Variants in ALOX5 observed in about 807,000 individuals in gnomAD.
The protein encoded by ALOX5 is arachidonate 5-lipoxygenase.
ALOX5 carries 64 observed loss-of-function variants against 87.9 expected under a neutral mutation model. The ratio of observed to expected loss-of-function variants is 0.73; its 90% confidence interval spans 0.60 to 0.90. The LOEUF (loss-of-function observed/expected upper bound fraction) is 0.90. Ranked by LOEUF, ALOX5 falls within the 40% of genes least tolerant of loss-of-function variation. The pLI, the probability that ALOX5 is intolerant of heterozygous loss-of-function variation, is 0.00. For synonymous variants in ALOX5, 388 were observed against 355.1 expected (o/e 1.09, Z -1.04); for missense variants, 822 against 907.5 (o/e 0.91, Z 1.21).
chr10:45,430,081 G>C (rs1589038461), intron 7 of ALOX5, among the ~76,000 whole-genome samples: 1 of 152,180 alleles, frequency 6.6e-6, no homozygotes, highest in African/African-American at 2.4e-5. Context: ...AGCAGGTAAA[G>C]GGACAGGTGA....
intron 2 of ALOX5, among the ~76,000 whole-genome samples, chr10:45,393,537 C>T (rs1212914629): frequency 1.3e-5 from 2 of 152,162 alleles, no homozygotes; most frequent in Admixed American, 6.5e-5. Context: ...CCTTTGAAAA[C>T]TGGCACAAGA....
chr10:45,404,631 A>T (rs1207365379), intron 3 of ALOX5, among the ~76,000 whole-genome samples: 1 of 152,240 alleles, frequency 6.6e-6, no homozygotes, highest in Non-Finnish European at 1.5e-5. Flanking sequence ...TAACTTCTTC[A>T]TGGCATATCA....
intron 7 of ALOX5, among the ~76,000 whole-genome samples, chr10:45,438,281 G>A (rs1313824970): frequency 6.6e-6 from 1 of 152,116 alleles, no homozygotes; most frequent in African/African-American, 2.4e-5. Flanking sequence ...ATTTTTGCCT[G>A]TTCAATATCA....
rs763034929 is a variant in ALOX5 at position 45,443,481 on chromosome 10, T to C, written c.1517T>C (p.Leu506Pro). The change falls in exon 11 of 14, where the codon CTG (leucine) becomes CCG (proline). Residue 506 changes from leucine (L) to proline (P), a missense_variant. By Grantham distance (98) the Leu-to-Pro change is moderately conservative. Transcript: ENST00000374391. ...GDQVVEEDPELQDFVNDVYVY... is the reference protein window; with the variant it reads ...GDQVVEEDPEPQDFVNDVYVY... ...CAGGTGGTGGAGGAGGACCCGGAGCTGCAGGACTTCGTGAACGATGTCTAC... is the reference window on the plus strand; with the variant it reads ...CAGGTGGTGGAGGAGGACCCGGAGCCGCAGGACTTCGTGAACGATGTCTAC... 1.9e-6 allele frequency: 3 copies of C among 1,613,094 alleles called. No homozygotes were observed. The highest frequency in any genetic ancestry group is 2.5e-6 in the Non-Finnish European group (3 of 1,179,604).
rs76502040 is a variant in ALOX5 at position 45,384,540 on chromosome 10, C to G, written c.349+1859C>G. On this transcript the variant is annotated intron_variant, in intron 2 of 13. Coordinates refer to ENST00000374391, the MANE Select transcript of ALOX5 (RefSeq NM_000698.5). ...TCATGTGTCTGGCACCTCTAGGCTC[C>G]TTGGCCTCTCTGTCCATATGGAGTC... Among the ~76,000 whole-genome samples the G allele has an allele frequency of 5.4e-3, 815 of 152,302 alleles. 6 individuals carry two copies. The highest frequency in any genetic ancestry group is 0.027 in the South Asian group (130 of 4,822).
chr10:45,442,679 G>C (rs1029441861), intron 9 of ALOX5: 23 of 239,852 alleles, frequency 9.6e-5, no homozygotes, highest in Non-Finnish European at 1.6e-4. Flanking sequence ...ACTGAGGGTC[G>C]TGTGCTCAGC....
rs1366359834 is a variant in ALOX5, at chr10:45,443,841, G to A, written c.1674+13G>A. On this transcript the variant is annotated intron_variant, in intron 12 of 13. Transcript: ENST00000374391. ...CAACTTCGGCCAGGTAGGCAGGGCC[G>A]GGCCCGCTGGGCAGGGCTCCCTTCT... 1.3e-6 allele frequency: 2 copies of A among 1,586,898 alleles called. No homozygotes were observed. Among genetic ancestry groups the A allele is most frequent in the South Asian group, 1.1e-5 (1 of 87,508 alleles).
intron 7 of ALOX5, among the ~76,000 whole-genome samples, chr10:45,437,213 T>C (rs999177884): frequency 1.3e-5 from 2 of 152,058 alleles, no homozygotes; most frequent in Non-Finnish European, 2.9e-5. Flanking sequence ...ATTAGCCAGG[T>C]GTGGTAACAC....
chr10:45,414,173 C>G (rs184709248), intron 4 of ALOX5, among the ~76,000 whole-genome samples: 56 of 152,316 alleles, frequency 3.7e-4, no homozygotes, highest in African/African-American at 1.2e-3. Flanking sequence ...CATCATGCTA[C>G]CTGACTTCAA....
At chr10:45,393,063 A>G (rs1212340267) in intron 2 of ALOX5, among the ~76,000 whole-genome samples, 2 of 152,330 alleles carry the variant, frequency 1.3e-5, no homozygotes, top group East Asian at 3.9e-4. Flanking sequence ...AAACTATTCC[A>G]ATCAATAGAA....
intron 5 of ALOX5, among the ~76,000 whole-genome samples, chr10:45,424,467 G>A (rs1413670280): frequency 6.6e-6 from 1 of 152,206 alleles, no homozygotes; most frequent in Admixed American, 6.5e-5. Context: ...ACAGAGCAAA[G>A]GCAGAACTTG....
Position 45,394,301 on chromosome 10 carries a change from C to A in ALOX5, c.350-1554C>A, listed in dbSNP as rs1190814517. ...AACAGAGCCCTCAGAAATGACACCA[C>A]ACATCTACAACCATCTGATCTTTGA... On this transcript the variant is annotated intron_variant, in intron 2 of 13. Coordinates refer to ENST00000374391, the MANE Select transcript of ALOX5 (RefSeq NM_000698.5). 3.9e-5 allele frequency among the ~76,000 whole-genome samples: 6 copies of A among 152,202 alleles called. No individual in the cohort carries two copies. In the South Asian group the frequency reaches 6.2e-4, roughly 16 times the overall value.
At chr10:45,423,635 A>G (rs1449096090) in intron 4 of ALOX5, among the ~76,000 whole-genome samples, 2 of 152,224 alleles carry the variant, frequency 1.3e-5, no homozygotes, top group African/African-American at 2.4e-5. Context: ...CAGAAAATAC[A>G]TGAGTTTTCA....
rs1841099162 is a variant in ALOX5, at chr10:45,412,416, A to G, written c.554+103A>G. Reference sequence around the variant, plus strand: ...CTCATGGGGTCCTTGGGTTGGGGGAACAGCCTAGCTGAGCCAAACGCTTTG... The same window carrying G: ...CTCATGGGGTCCTTGGGTTGGGGGAGCAGCCTAGCTGAGCCAAACGCTTTG... On this transcript the variant is annotated intron_variant, in intron 4 of 13. Transcript: ENST00000374391. 5 of 1,481,594 alleles carry G rather than the reference A, an allele frequency of 3.4e-6. No homozygotes were observed. In the East Asian group the frequency reaches 9.1e-5, roughly 27 times the overall value. The allele number at this position is 1,481,594 out of a possible 1,614,324, so 91.8% of individuals were successfully genotyped here.
chr10:45,404,423 A>G (rs1840805490), intron 3 of ALOX5, among the ~76,000 whole-genome samples: 2 of 152,250 alleles, frequency 1.3e-5, no homozygotes, highest in African/African-American at 4.8e-5. Flanking sequence ...CCCAGGTCAT[A>G]GCCCACAGCT....
At chr10:45,420,398 G>C (rs143879260) in intron 4 of ALOX5, among the ~76,000 whole-genome samples, 5 of 152,198 alleles carry the variant, frequency 3.3e-5, no homozygotes, top group Non-Finnish European at 7.3e-5. Context: ...AAAGCATGAA[G>C]TCATGTTTCC....
chr10:45,412,398 G>T (rs780134493), intron 4 of ALOX5, 85 bp downstream of exon 4: 2 of 1,548,082 alleles, frequency 1.3e-6, no homozygotes, highest in African/African-American at 1.4e-5. Flanking sequence ...TTCCTCATGG[G>T]GTCCTTGGGT....
chr10:45,414,386 T>G (rs1004631280), intron 4 of ALOX5, among the ~76,000 whole-genome samples: 11 of 152,344 alleles, frequency 7.2e-5, no homozygotes, highest in East Asian at 1.9e-4. Context: ...GCTAGCCATA[T>G]GTAGAAAGCT....
chr10:45,374,451 G>T, intron 1 of ALOX5, 22 bp downstream of exon 1: 1 of 1,522,974 alleles, frequency 6.6e-7, no homozygotes, highest in East Asian at 2.6e-5. Flanking sequence ...CGGGGCACGG[G>T]TGGAGCGCGG....
Sources: allele counts gnomAD v4.1 joint callset (sites outside exome capture counted in the v4.1 genomes callset), GRCh38; gene constraint gnomAD v4.1.1; transcripts MANE v1.5; gene names NCBI Gene and HGNC (gene_info 2026-07-23, HGNC 2026-07-21).